PLK2: variants seen among roughly 807,000 people sequenced by gnomAD.
The protein encoded by PLK2 is polo like kinase 2.
In PLK2, 25 loss-of-function variants were observed where a neutral mutation model predicts 78.1. That is an observed-to-expected ratio of 0.32 (90% confidence interval 0.23 to 0.45). The LOEUF (loss-of-function observed/expected upper bound fraction) is 0.45, where lower values mean the gene tolerates loss of function less well. PLK2 is among the 20% of genes least tolerant of loss of function. The pLI, the probability that PLK2 is intolerant of heterozygous loss-of-function variation, is 1.00. For missense variants in PLK2, 566 were observed against 840.2 expected, an observed-to-expected ratio of 0.67 and a Z score of 4.04; for synonymous variants, 332 against 298.2, an observed-to-expected ratio of 1.11 and a Z score of -1.17.
Position 58,455,514 on chromosome 5 carries a change from GGATTTCATTAATT to G in PLK2, c.1625+12_1625+24del. 10 of 1,613,482 alleles carry G rather than the reference GGATTTCATTAATT, an allele frequency of 6.2e-6. No individual in the cohort carries two copies. The highest frequency in any genetic ancestry group is 8.5e-6 in the Non-Finnish European group (10 of 1,179,512). ...TTAGTGCAAGACTAGAGAACTGACA[GGATTTCATTAATT>G]GATACACTTACTTTTTGTCTGGAAG... On this transcript the variant is annotated intron_variant, in intron 11 of 13. Coordinates refer to ENST00000274289, the MANE Select transcript of PLK2 (RefSeq NM_006622.4).
chr5:58,459,814 G>A lies in PLK2; in HGVS notation c.146C>T (p.Ala49Val). The A allele has an allele frequency of 1.2e-6, 2 of 1,609,492 alleles. No homozygotes were observed. The highest frequency in any genetic ancestry group is 8.5e-7 in the Non-Finnish European group (1 of 1,179,834). The change falls in exon 1 of 14, where the codon GCG becomes GTG. Residue 49 changes from alanine to valine, a missense_variant. Coordinates refer to ENST00000274289, the MANE Select transcript of PLK2 (RefSeq NM_006622.4). ...GTGAGGGGCCGCCGGGGGCACTTGC[G>A]CCTGGGACTGAGGTGGCTGCGATTC... ...PEESQPPQSQAQVPPAAPHHH... is the reference protein window; with the variant it reads ...PEESQPPQSQVQVPPAAPHHH...
At chr5:58,455,482 GATTT>G in intron 11 of PLK2, 53 bp downstream of exon 11, 1 of 1,610,610 alleles carries the variant, frequency 6.2e-7, no homozygotes, top group Non-Finnish European at 8.5e-7. Context: ...ATTGTTTTTA[GATTT>G]CTTTAGTGCA....
Position 58,459,100 on chromosome 5 carries a change from G to A in PLK2, c.271-8C>T, listed in dbSNP as rs775137597. On this transcript the variant is annotated splice_region_variant and splice_polypyrimidine_tract_variant and intron_variant, in intron 1 of 13. Transcript: ENST00000274289. ...ACATTTTGCAAAGCCACCCTGAAAGGAAACAAAGCCGAGACGGAATTGAGG... is the reference window on the plus strand; with the variant it reads ...ACATTTTGCAAAGCCACCCTGAAAGAAAACAAAGCCGAGACGGAATTGAGG... The A allele has an allele frequency of 5.9e-6, 9 of 1,519,620 alleles. No individual in the cohort carries two copies. The East Asian group carries it at 9.0e-5, about 15-fold the overall frequency. The allele number at this position is 1,519,620 out of a possible 1,614,324, so 94.1% of individuals were successfully genotyped here. A position where few individuals can be genotyped will look rare whatever the true frequency, so the allele number is the denominator to read the frequency against.
At chr5:58,457,860 A>G (rs1743650341) in intron 5 of PLK2, 1 of 595,972 alleles carries the variant, frequency 1.7e-6, no homozygotes, top group Admixed American at 3.1e-5. Context: ...CATTTTATAC[A>G]TTTTAAGCCA....
In PLK2 at chr5:58,454,762, G is replaced by A. The variant is rs1414255106; in HGVS notation, c.1879C>T (p.His627Tyr). 2 of 1,602,618 alleles carry A rather than the reference G, an allele frequency of 1.2e-6. 1 individual carries two copies. The highest frequency in any genetic ancestry group is 3.4e-5 in the Admixed American group (2 of 58,762). ...NDGTFQVNFY[H>Y]DHTKIIICSQ... ...CAGATGATGATTTTTGTATGATCAT[G>A]GTAGAAATTCACCTTAAAAAATAAA... The change falls in exon 14 of 14, where the codon CAT (histidine) becomes TAT (tyrosine). Residue 627 changes from histidine to tyrosine, a missense_variant. By Grantham distance (83) the His-to-Tyr change is moderately conservative. This residue lies in a region of PLK2 where 130 missense variants were observed against 196.4 expected (regional missense o/e 0.66). Coordinates refer to ENST00000274289, the MANE Select transcript of PLK2 (RefSeq NM_006622.4).
rs1474820314 is a variant in PLK2, at chr5:58,454,181, C to G, written c.*402G>C. 1.9e-5 allele frequency: 3 copies of G among 161,328 alleles called. No individual in the cohort carries two copies. The highest frequency in any genetic ancestry group is 1.8e-4 in the East Asian group (1 of 5,558). 10.0% of individuals were successfully genotyped at this position (161,328 alleles called of 1,614,324 possible). A position where few individuals can be genotyped will look rare whatever the true frequency, so the allele number is the denominator to read the frequency against. On this transcript the variant is annotated 3_prime_UTR_variant, in exon 14 of 14. Coordinates refer to ENST00000274289, the MANE Select transcript of PLK2 (RefSeq NM_006622.4). ...ATGGCCATAGTTCACAGTTACGCAG[C>G]CAAAAGCTGCTCCAATTACAGCCTT...
In PLK2 at chr5:58,454,943, G is replaced by C. The variant is rs1005258862; in HGVS notation, c.1834C>G (p.Leu612Val). 2.5e-6 allele frequency: 4 copies of C among 1,612,080 alleles called. No individual in the cohort carries two copies. Among genetic ancestry groups the C allele is most frequent in the Non-Finnish European group, 3.4e-6 (4 of 1,178,170 alleles). Residue 612 changes from leucine to valine, a missense_variant, in exon 13 of 14, where the codon CTA becomes GTA. Physicochemically the swap from Leu to Val is conservative, Grantham distance 32 (BLOSUM62 1). Coordinates refer to ENST00000274289, the MANE Select transcript of PLK2 (RefSeq NM_006622.4). ...LLQWLKSDKALMMLFNDGTFQ... is the reference protein window; with the variant it reads ...LLQWLKSDKAVMMLFNDGTFQ... ...GTGCCATCATTAAAGAGCATCATTA[G>C]GGCCTTATCAGATTTTAGCCACTGA...
Position 58,458,663 on chromosome 5 carries a change from C to A in PLK2, c.495+62G>T. The A allele has an allele frequency of 5.8e-6, 6 of 1,026,992 alleles. No homozygotes were observed. In the South Asian group the frequency reaches 7.6e-5, roughly 13 times the overall value. 63.6% of individuals were successfully genotyped at this position (1,026,992 alleles called of 1,614,324 possible). On this transcript the variant is annotated intron_variant, in intron 3 of 13. Coordinates refer to ENST00000274289, the MANE Select transcript of PLK2 (RefSeq NM_006622.4). ...CACAGCTAAAATCCCAGATAAAATACTCTTTGAATACCATGTTAATTCGGG... is the reference window on the plus strand; with the variant it reads ...CACAGCTAAAATCCCAGATAAAATAATCTTTGAATACCATGTTAATTCGGG...
chr5:58,459,110 C>T lies in PLK2; in HGVS notation c.271-18G>A, dbSNP rs1743685639. On this transcript the variant is annotated intron_variant, in intron 1 of 13. Coordinates refer to ENST00000274289, the MANE Select transcript of PLK2 (RefSeq NM_006622.4). ...AAGCCACCCTGAAAGGAAACAAAGC[C>T]GAGACGGAATTGAGGATGGCACAAA... The T allele has an allele frequency of 7.2e-7, 1 of 1,392,554 alleles. No individual in the cohort carries two copies. Among genetic ancestry groups the T allele is most frequent in the African/African-American group, 1.4e-5 (1 of 69,894 alleles). 86.3% of individuals were successfully genotyped at this position (1,392,554 alleles called of 1,614,324 possible).
intron 1 of PLK2, 127 bp downstream of exon 1, chr5:58,459,563 C>G: frequency 1.3e-6 from 1 of 797,884 alleles, no homozygotes. Flanking sequence ...GAGCCCACCT[C>G]GCGCTGGGAT....
chr5:58,456,652 G>T, intron 8 of PLK2, 63 bp from the exon 9 acceptor site: 2 of 1,070,762 alleles, frequency 1.9e-6, no homozygotes, highest in Non-Finnish European at 2.8e-6. Flanking sequence ...AACAGGGTTA[G>T]TCATATTTTC....
At position 58,456,043 on chromosome 5, in the gene PLK2, C is replaced by T. The variant is rs1408231286; in HGVS notation, c.1367G>A (p.Cys456Tyr). 2.5e-6 allele frequency: 4 copies of T among 1,612,464 alleles called. No individual in the cohort carries two copies. The highest frequency in any genetic ancestry group is 3.4e-6 in the Non-Finnish European group (4 of 1,179,600). The change falls in exon 10 of 14, where the codon TGT (cysteine) becomes TAT (tyrosine). Residue 456 changes from cysteine to tyrosine, a missense_variant. This residue lies in a region of PLK2 where 129 missense variants were observed against 156.0 expected (regional missense o/e 0.83). Coordinates refer to ENST00000274289, the MANE Select transcript of PLK2 (RefSeq NM_006622.4). Reference sequence around the variant, plus strand: ...CCACTTACATTCACTGCTGCTGCTACAGCTGCCAAGAGTCCCTCTGACTAT... The same window carrying T: ...CCACTTACATTCACTGCTGCTGCTATAGCTGCCAAGAGTCCCTCTGACTAT... ...RMIVRGTLGS[C>Y]SSSSECLEDS...
chr5:58,454,694 A>G lies in PLK2; in HGVS notation c.1947T>C (p.Asp649=). The part of the protein sequence containing the change: ...EEYLLTYINE[D]RISTTFRLTT... Reference sequence around the variant, plus strand: ...TCAGCCTGAAAGTTGTAGATATCCTATCCTCATTGATGTAGGTGAGAAGGT... The same window carrying G: ...TCAGCCTGAAAGTTGTAGATATCCTGTCCTCATTGATGTAGGTGAGAAGGT... Residue 649 remains aspartate (D), a synonymous_variant, in exon 14 of 14, where the codon GAT becomes GAC. Coordinates refer to ENST00000274289, the MANE Select transcript of PLK2 (RefSeq NM_006622.4). The G allele has an allele frequency of 1.2e-6, 2 of 1,613,032 alleles. No individual in the cohort carries two copies. Among genetic ancestry groups the G allele is most frequent in the East Asian group, 2.2e-5 (1 of 44,868 alleles).
At chr5:58,457,674 T>TA (rs1743646055) in intron 5 of PLK2, 91 bp from the exon 6 acceptor site, 1 of 741,216 alleles carries the variant, frequency 1.3e-6, no homozygotes, top group Non-Finnish European at 2.4e-6. Flanking sequence ...GACAAAATCT[T>TA]AAACAAAATC....
In PLK2 at chr5:58,454,964, A is replaced by G; in HGVS notation, c.1813T>C (p.Trp605Arg). The G allele has an allele frequency of 6.2e-7, 1 of 1,613,532 alleles. No individual in the cohort carries two copies. Among genetic ancestry groups the G allele is most frequent in the Non-Finnish European group, 8.5e-7 (1 of 1,179,440 alleles). Residue 605 changes from tryptophan to arginine, a missense_variant, in exon 13 of 14, where the codon TGG becomes CGG. Physicochemically the swap from Trp to Arg is moderately radical, Grantham distance 101. Around this residue, in one of 5 missense-constraint regions of PLK2, gnomAD observed 130 missense variants for 196.4 expected, o/e 0.66. Transcript: ENST00000274289. Reference sequence around the variant, plus strand: ...ATTAGGGCCTTATCAGATTTTAGCCACTGAAGGAGGTAGAGCCGAGGTCTT... The same window carrying G: ...ATTAGGGCCTTATCAGATTTTAGCCGCTGAAGGAGGTAGAGCCGAGGTCTT... ...IRRPRLYLLQ[W>R]LKSDKALMML...
rs547094156 is a variant in PLK2, at chr5:58,454,068, T to A, written c.*515A>T. 4 of 152,834 alleles carry A rather than the reference T, an allele frequency of 2.6e-5. No homozygotes were observed. The South Asian group carries it at 8.3e-4, about 32-fold the overall frequency. The allele number at this position is 152,834 out of a possible 1,614,324, so 9.5% of individuals were successfully genotyped here. ...CATTTTGATAATAAATACTGCTCTT[T>A]GGGCTGTAATAAATAAAAAGTTTAT... On this transcript the variant is annotated 3_prime_UTR_variant, in exon 14 of 14. Transcript: ENST00000274289.
chr5:58,457,996 C>T (rs1743653432), intron 5 of PLK2, 88 bp downstream of exon 5: 1 of 815,868 alleles, frequency 1.2e-6, no homozygotes, highest in East Asian at 2.4e-5. Context: ...GATTTTATTA[C>T]CGGACCTCTG....
At chr5:58,458,573 T>G (rs1406022453) in intron 3 of PLK2, 45 bp from the exon 4 acceptor site, 1 of 1,563,336 alleles carries the variant, frequency 6.4e-7, no homozygotes, top group Admixed American at 1.8e-5. Flanking sequence ...AAAACAGTTA[T>G]CAAAATCACT....
intron 8 of PLK2, 147 bp downstream of exon 8, chr5:58,456,798 T>G: frequency 4.7e-6 from 3 of 635,936 alleles, no homozygotes; most frequent in Non-Finnish European, 8.0e-6. Flanking sequence ...CAATTCAAGG[T>G]ATGGATTTAT....
Sources: gnomAD v4.1 joint callset for allele counts on GRCh38, gnomAD v4.1.1 for gene constraint, gnomAD v4.1.1 regional missense constraint, MANE v1.5 for transcripts, NCBI Gene and HGNC (gene_info 2026-07-23, HGNC 2026-07-21) for gene names.